The following CSNK1G1 variants were observed in gnomAD, a reference collection of about 807,000 sequenced individuals.
The protein encoded by CSNK1G1 is casein kinase I isoform gamma-1.
CSNK1G1 carries 22 observed loss-of-function variants against 59.6 expected under a neutral mutation model. The observed-to-expected ratio is 0.37, with a 90% CI of 0.26 to 0.53. The LOEUF is 0.53. Among genes scored for constraint, CSNK1G1 ranks in the 20% least tolerant of loss-of-function variants. The pLI is 0.89. For synonymous variants in CSNK1G1, 179 were observed against 177.1 expected (o/e 1.01, Z -0.08); for missense variants, 384 against 519.5 (o/e 0.74, Z 2.54).
chr15:64,321,258 CT>C (rs371870605), intron 1 of CSNK1G1, among the ~76,000 whole-genome samples: 284 of 139,888 alleles, frequency 2.0e-3, no homozygotes, highest in Middle Eastern at 3.8e-3. Context: ...TCTTTTTTTC[CT>C]TTTTTTTTTT....
chr15:64,256,534 G>A (rs762255670), intron 3 of CSNK1G1, among the ~76,000 whole-genome samples: 15 of 152,174 alleles, frequency 9.9e-5, no homozygotes, highest in Admixed American at 2.0e-4. Context: ...GGGCTTCAAG[G>A]TGCTTTTCTG....
At chr15:64,223,718 CAT>C (rs745363477) in intron 4 of CSNK1G1, among the ~76,000 whole-genome samples, 4 of 152,138 alleles carry the variant, frequency 2.6e-5, no homozygotes, top group Non-Finnish European at 5.9e-5. Context: ...ATATACAGTA[CAT>C]ATGTTATCTT....
chr15:64,260,909 T>C (rs188521090), intron 2 of CSNK1G1, among the ~76,000 whole-genome samples: 9 of 152,280 alleles, frequency 5.9e-5, no homozygotes, highest in African/African-American at 2.2e-4. Context: ...GGAATAATTT[T>C]TGTCTGCAAG....
chr15:64,290,805 G>A (rs1446966822), intron 2 of CSNK1G1, among the ~76,000 whole-genome samples: 1 of 152,080 alleles, frequency 6.6e-6, no homozygotes, highest in Non-Finnish European at 1.5e-5. Context: ...AGACTAGAGT[G>A]CAATGGCACG....
chr15:64,325,503 C>G (rs1896790878), intron 1 of CSNK1G1, among the ~76,000 whole-genome samples: 1 of 152,024 alleles, frequency 6.6e-6, no homozygotes, highest in Non-Finnish European at 1.5e-5. Flanking sequence ...AAACTCATAG[C>G]CCCAGAATCA....
chr15:64,352,447 CTT>C (rs1165768581), intron 1 of CSNK1G1, among the ~76,000 whole-genome samples: 1 of 89,428 alleles, frequency 1.1e-5, no homozygotes, highest in South Asian at 4.1e-4. Flanking sequence ...TTGAATTCTT[CTT>C]TTTTTTTTTT....
chr15:64,182,052 C>CTTTTTT (rs1567358672), intron 10 of CSNK1G1: 2 of 118,368 alleles, frequency 1.7e-5, no homozygotes, highest in African/African-American at 8.3e-5. Context: ...ATTAGTAACC[C>CTTTTTT]GTTTTTTTTT....
chr15:64,275,747 T>G (rs1489532419), intron 2 of CSNK1G1, among the ~76,000 whole-genome samples: 1 of 152,026 alleles, frequency 6.6e-6, no homozygotes, highest in African/African-American at 2.4e-5. Flanking sequence ...ACCAAATTTT[T>G]TAAAGAAAAA....
intron 2 of CSNK1G1, among the ~76,000 whole-genome samples, chr15:64,297,858 T>C (rs1487919515): frequency 2.0e-5 from 3 of 152,180 alleles, no homozygotes; most frequent in Non-Finnish European, 4.4e-5. Context: ...TTTACAATCT[T>C]CTCCTCGCTA....
At chr15:64,172,357 T>C (rs2081682236) in intron 11 of CSNK1G1, among the ~76,000 whole-genome samples, 2 of 152,142 alleles carry the variant, frequency 1.3e-5, no homozygotes, top group African/African-American at 2.4e-5. Flanking sequence ...ATAGTCTACA[T>C]TGTCTACTCC....
chr15:64,217,203 G>C (rs529596854), intron 4 of CSNK1G1, among the ~76,000 whole-genome samples: 3 of 152,366 alleles, frequency 2.0e-5, no homozygotes, highest in East Asian at 1.9e-4. Context: ...CAAGGTCACA[G>C]AGCGTGCAGC....
At chr15:64,183,353 A>G (rs1206880692) in intron 10 of CSNK1G1, among the ~76,000 whole-genome samples, 1 of 152,224 alleles carries the variant, frequency 6.6e-6, no homozygotes, top group East Asian at 1.9e-4. Flanking sequence ...ACATAAACAG[A>G]GCCTCCATTC....
intron 2 of CSNK1G1, 50 bp downstream of exon 2, chr15:64,300,269 A>G (rs1895254201): frequency 6.5e-7 from 1 of 1,540,952 alleles, no homozygotes; most frequent in Admixed American, 1.8e-5. Context: ...ACCAAAGCTT[A>G]TCATAGGTAT....
At chr15:64,255,968 AAAAAG>A (rs1892353520) in intron 3 of CSNK1G1, among the ~76,000 whole-genome samples, 1 of 152,206 alleles carries the variant, frequency 6.6e-6, no homozygotes, top group Non-Finnish European at 1.5e-5. Flanking sequence ...GACTTTCAGT[AAAAAG>A]AAAAGTACAT....
Position 64,216,602 on chromosome 15 carries a change from G to T in CSNK1G1, c.404C>A (p.Thr135Lys). The change falls in exon 5 of 12, where the codon ACA becomes AAA. Residue 135 changes from threonine to lysine, a missense_variant. Around this residue, in one of 3 missense-constraint regions of CSNK1G1, gnomAD observed 325 missense variants for 440.9 expected, o/e 0.74. Transcript: ENST00000303052. This position sits in a 1 kb window ranked among gnomAD's most constrained non-coding sequence, Gnocchi z 4.6. ...LEDLFDLCDRTFTLKTVLMIA... is the reference protein window; with the variant it reads ...LEDLFDLCDRKFTLKTVLMIA... ...CATTAACACCGTCTTCAAAGTAAATGTTCGGTCACAGAGGTCAAACAAGTC... is the reference window on the plus strand; with the variant it reads ...CATTAACACCGTCTTCAAAGTAAATTTTCGGTCACAGAGGTCAAACAAGTC... 1 of 1,613,872 alleles carries T rather than the reference G, an allele frequency of 6.2e-7. No homozygotes were observed. The highest frequency in any genetic ancestry group is 8.5e-7 in the Non-Finnish European group (1 of 1,179,840).
chr15:64,194,024 G>A (rs543687974), intron 10 of CSNK1G1: 4 of 152,596 alleles, frequency 2.6e-5, no homozygotes, highest in Middle Eastern at 3.4e-3. Context: ...AACAGAAGAC[G>A]CTAAGGAATC....
At chr15:64,205,936 G>C (rs577134315) in intron 7 of CSNK1G1, among the ~76,000 whole-genome samples, 64 of 152,342 alleles carry the variant, frequency 4.2e-4, no homozygotes, top group African/African-American at 1.5e-3. Context: ...CTTTCTGGAA[G>C]AGGGGGTGTA....
chr15:64,284,139 T>C (rs1031443481), intron 2 of CSNK1G1, among the ~76,000 whole-genome samples: 4 of 152,212 alleles, frequency 2.6e-5, no homozygotes, highest in East Asian at 3.8e-4. Context: ...TCAAGTGCAA[T>C]TGACTAGAGA....
At chr15:64,341,668 T>C (rs569065532) in intron 1 of CSNK1G1, among the ~76,000 whole-genome samples, 34 of 151,844 alleles carry the variant, frequency 2.2e-4, no homozygotes, top group African/African-American at 7.5e-4. Flanking sequence ...AGAGACAGAG[T>C]CTTGCTATGT....
Sources: gnomAD v4.1 joint callset for allele counts (sites outside exome capture counted in the v4.1 genomes callset) on GRCh38, gnomAD v4.1.1 for gene constraint, gnomAD v4.1.1 regional missense constraint, Gnocchi (gnomAD v3.1) non-coding constraint, MANE v1.5 for transcripts, NCBI Gene and HGNC (gene_info 2026-07-23, HGNC 2026-07-21) for gene names.